The following CLSTN2 variants were observed in gnomAD, a reference collection of about 807,000 sequenced individuals.
The protein encoded by CLSTN2 is calsyntenin-2.
CLSTN2 carries 48 observed loss-of-function variants against 101.2 expected under a neutral mutation model. That is an observed-to-expected ratio of 0.47 (90% CI 0.38 to 0.60). CLSTN2 has a LOEUF of 0.60. Among genes scored for constraint, CLSTN2 ranks in the 20% least tolerant of loss-of-function variants. The pLI, the probability that CLSTN2 is intolerant of heterozygous loss-of-function variation, is 0.00. For missense variants in CLSTN2, 1,160 were observed against 1,238.2 expected, an observed-to-expected ratio of 0.94 and a Z score of 0.95; for synonymous variants, 481 against 463.6, an observed-to-expected ratio of 1.04 and a Z score of -0.48.
chr3:140,036,862 A>T (rs1176360370), intron 1 of CLSTN2, among the ~76,000 whole-genome samples: 1 of 152,108 alleles, frequency 6.6e-6, no homozygotes. Context: ...GGACACATTT[A>T]CTCTAACTCT....
intron 5 of CLSTN2, among the ~76,000 whole-genome samples, chr3:140,430,186 TTCTC>T (rs2088614042): frequency 6.6e-6 from 1 of 152,086 alleles, no homozygotes; most frequent in African/African-American, 2.4e-5. Flanking sequence ...TTGCCCTCAG[TTCTC>T]TCTTTTACTG....
chr3:140,040,805 C>A (rs149217010), intron 1 of CLSTN2, among the ~76,000 whole-genome samples: 1 of 152,044 alleles, frequency 6.6e-6, no homozygotes, highest in Non-Finnish European at 1.5e-5. Flanking sequence ...TAATGCAGCA[C>A]GAGTGACAGC....
chr3:140,179,543 G>A (rs563261557), intron 2 of CLSTN2, among the ~76,000 whole-genome samples: 30 of 140,434 alleles, frequency 2.1e-4, no homozygotes, highest in South Asian at 1.1e-3. Flanking sequence ...TCAGGTAGGA[G>A]GATCAATTGA....
At chr3:139,998,517 TG>T (rs2006743313) in intron 1 of CLSTN2, among the ~76,000 whole-genome samples, 1 of 144,952 alleles carries the variant, frequency 6.9e-6, no homozygotes, top group African/African-American at 2.4e-5. Context: ...TAATTTTTTT[TG>T]TATTTTTAGT....
intron 1 of CLSTN2, among the ~76,000 whole-genome samples, chr3:140,067,139 G>T (rs926423718): frequency 6.6e-6 from 1 of 152,104 alleles, no homozygotes; most frequent in Non-Finnish European, 1.5e-5. Flanking sequence ...AGCTCTCTGG[G>T]CCTCAGTGTC....
chr3:139,984,757 T>C (rs1185272281), intron 1 of CLSTN2, among the ~76,000 whole-genome samples: 1 of 152,166 alleles, frequency 6.6e-6, no homozygotes, highest in African/African-American at 2.4e-5. Flanking sequence ...AAATATCATC[T>C]ATAAGATGAA....
chr3:140,203,726 A>G (rs990620869), intron 2 of CLSTN2, among the ~76,000 whole-genome samples: 3 of 152,142 alleles, frequency 2.0e-5, no homozygotes, highest in Non-Finnish European at 2.9e-5. Flanking sequence ...TGACAAGACA[A>G]TGGCTTCTCC....
chr3:140,183,717 A>G (rs376839606), intron 2 of CLSTN2, among the ~76,000 whole-genome samples: 3 of 152,216 alleles, frequency 2.0e-5, no homozygotes, highest in African/African-American at 7.2e-5. Flanking sequence ...ATTGTACTGA[A>G]AACAACTTGT....
At chr3:140,353,246 T>TATATATATATATATGTTTACAC (rs1286788674) in intron 2 of CLSTN2, among the ~76,000 whole-genome samples, 3 of 45,520 alleles carry the variant, frequency 6.6e-5, no homozygotes, top group South Asian at 6.7e-4. Context: ...TTTACACATA[T>TATATATATATATATGTTTACAC]ATATATATAT....
intron 2 of CLSTN2, among the ~76,000 whole-genome samples, chr3:140,355,621 G>A (rs1239100089): frequency 1.3e-5 from 2 of 152,218 alleles, no homozygotes; most frequent in East Asian, 3.9e-4. Context: ...AAGGAAAGTT[G>A]TGCTGTGCAG....
intron 1 of CLSTN2, among the ~76,000 whole-genome samples, chr3:140,019,580 A>C (rs2007267059): frequency 6.6e-6 from 1 of 152,340 alleles, no homozygotes; most frequent in East Asian, 1.9e-4. Flanking sequence ...TTTTTAAGAA[A>C]TGTTTGTCAG....
At chr3:140,396,930 C>G (rs867441494) in intron 2 of CLSTN2, among the ~76,000 whole-genome samples, 4 of 151,862 alleles carry the variant, frequency 2.6e-5, no homozygotes, top group Non-Finnish European at 4.4e-5. Context: ...GTCTTATGAC[C>G]CCTTTACACT....
At chr3:140,163,710 C>T (rs1219039420) in intron 1 of CLSTN2, among the ~76,000 whole-genome samples, 1 of 150,738 alleles carries the variant, frequency 6.6e-6, no homozygotes, top group Non-Finnish European at 1.5e-5. Context: ...GAGCCGTGGC[C>T]TTGCTTGTAT....
At chr3:140,056,328 C>T (rs1446147435) in intron 1 of CLSTN2, among the ~76,000 whole-genome samples, 1 of 152,182 alleles carries the variant, frequency 6.6e-6, no homozygotes, top group Non-Finnish European at 1.5e-5. Context: ...GTCAAGGACT[C>T]TACCAAGTAT....
chr3:140,056,049 A>T (rs570787108), intron 1 of CLSTN2, among the ~76,000 whole-genome samples: 4 of 152,262 alleles, frequency 2.6e-5, no homozygotes, highest in African/African-American at 9.6e-5. Context: ...CCACAAAAGG[A>T]TGGGAGAGGG....
chr3:140,485,751 G>A (rs1414565158), intron 8 of CLSTN2, among the ~76,000 whole-genome samples: 6 of 152,196 alleles, frequency 3.9e-5, no homozygotes, highest in South Asian at 2.1e-4. Context: ...AGGACCCTCC[G>A]AGCCATGCGC....
rs143718681 is a variant in CLSTN2 at position 140,096,567 on chromosome 3, G to T, written c.110-79384G>T. On this transcript the variant is annotated intron_variant, in intron 1 of 16. Transcript: ENST00000458420. ...GTCCCCATTCTCATGACTACTCCTG[G>T]AGATAGTTATGAAGAATTCTTCTAG... Among the ~76,000 whole-genome samples, 18 of 152,278 alleles carry T rather than the reference G, an allele frequency of 1.2e-4. No individual in the cohort carries two copies. The East Asian group carries it at 1.7e-3, about 15-fold the overall frequency.
chr3:140,521,472 G>C (rs1280922725), intron 8 of CLSTN2, among the ~76,000 whole-genome samples: 2 of 152,012 alleles, frequency 1.3e-5, no homozygotes, highest in Non-Finnish European at 2.9e-5. Flanking sequence ...AGAAACAGCA[G>C]AGATGGCAGC....
At chr3:140,554,694 A>G (rs1274988552) in intron 10 of CLSTN2, among the ~76,000 whole-genome samples, 4 of 152,246 alleles carry the variant, frequency 2.6e-5, no homozygotes, top group Non-Finnish European at 5.9e-5. Flanking sequence ...GCACAAGATT[A>G]TTCCTTCTGA....
Sources: gnomAD v4.1 joint callset for allele counts (sites outside exome capture counted in the v4.1 genomes callset) on GRCh38, gnomAD v4.1.1 for gene constraint, MANE v1.5 for transcripts, NCBI Gene and HGNC (gene_info 2026-07-23, HGNC 2026-07-21) for gene names.